Variants in MYO3A observed in about 807,000 individuals in gnomAD.
MYO3A encodes the protein myosin IIIA, also known as myosin-IIIa.
A neutral mutation model predicts 192.7 loss-of-function variants in MYO3A; 180 were observed. The observed-to-expected ratio is 0.93, with a 90% CI of 0.83 to 1.06. MYO3A has a LOEUF of 1.06. Ranked by LOEUF, MYO3A falls within the 50% of genes least tolerant of loss-of-function variation. The pLI, the probability that MYO3A is intolerant of heterozygous loss-of-function variation, is 0.00. For synonymous variants in MYO3A, 628 were observed against 645.3 expected, an observed-to-expected ratio of 0.97 and a Z score of 0.41; for missense variants, 1,896 against 1,905.0, an observed-to-expected ratio of 1.00 and a Z score of 0.09.
intron 2 of MYO3A, among the ~76,000 whole-genome samples, chr10:25,945,655 A>T (rs536319941): frequency 1.3e-5 from 2 of 152,178 alleles, no homozygotes; most frequent in African/African-American, 4.8e-5. Flanking sequence ...TCTTTTGTAG[A>T]TAGTATATAG....
At chr10:26,053,781 C>T (rs1038571782) in intron 10 of MYO3A, among the ~76,000 whole-genome samples, 6 of 151,676 alleles carry the variant, frequency 4.0e-5, no homozygotes, top group Non-Finnish European at 5.9e-5. Flanking sequence ...GCTGAGATCG[C>T]GCCATTGCAC....
intron 34 of MYO3A, among the ~76,000 whole-genome samples, chr10:26,205,685 C>G (rs1410333569): frequency 7.4e-6 from 1 of 135,354 alleles, no homozygotes; most frequent in Non-Finnish European, 1.5e-5. Context: ...GGCACGATCT[C>G]GGCTCACTGC....
At chr10:26,041,458 A>C (rs187427011) in intron 10 of MYO3A, among the ~76,000 whole-genome samples, 1 of 151,950 alleles carries the variant, frequency 6.6e-6, no homozygotes, top group Non-Finnish European at 1.5e-5. Context: ...TACTCCTGCC[A>C]TTTTGTTATT....
intron 26 of MYO3A, among the ~76,000 whole-genome samples, chr10:26,162,474 T>C (rs1217822828): frequency 6.6e-6 from 1 of 152,254 alleles, no homozygotes; most frequent in Non-Finnish European, 1.5e-5. Flanking sequence ...TCATTTATGA[T>C]TTCCAGTTAA....
rs183525778 is a variant in MYO3A at position 25,947,685 on chromosome 10, G to A, written c.-17-4409G>A. 4.2e-3 allele frequency among the ~76,000 whole-genome samples: 634 copies of A among 152,128 alleles called. 2 individuals are homozygous for A. The highest frequency in any genetic ancestry group is 0.024 in the Middle Eastern group (7 of 292). On this transcript the variant is annotated intron_variant, in intron 2 of 34. Transcript: ENST00000642920. ...TGGGATTACAGGCGTGAGCCACTGC[G>A]CCTGGCAAAGATGGTATTATTTCTT...
intron 17 of MYO3A, 27 bp from the exon 18 acceptor site, chr10:26,120,649 T>A: frequency 1.2e-6 from 2 of 1,613,706 alleles, no homozygotes; most frequent in Non-Finnish European, 1.7e-6. Context: ...GAAAGAATGA[T>A]GCCAATGTTT....
intron 26 of MYO3A, among the ~76,000 whole-genome samples, chr10:26,165,371 G>T (rs1329153485): frequency 6.6e-6 from 1 of 152,090 alleles, no homozygotes; most frequent in Admixed American, 6.6e-5. Flanking sequence ...AAAAATTCTG[G>T]AAATCTGTCT....
chr10:26,016,991 T>A, intron 7 of MYO3A, 95 bp downstream of exon 7: 1 of 1,288,956 alleles, frequency 7.8e-7, no homozygotes, highest in Non-Finnish European at 1.1e-6. Context: ...TTTTGGAATA[T>A]AACAGAAGAA....
At chr10:26,197,504 C>G (rs1036020622) in intron 32 of MYO3A, among the ~76,000 whole-genome samples, 1 of 152,176 alleles carries the variant, frequency 6.6e-6, no homozygotes, top group Admixed American at 6.5e-5. Context: ...CACCCAATCT[C>G]TCTTGTATGT....
chr10:25,970,610 A>G (rs1838577637), intron 4 of MYO3A, among the ~76,000 whole-genome samples: 1 of 151,970 alleles, frequency 6.6e-6, no homozygotes, highest in Admixed American at 6.6e-5. Flanking sequence ...TCACTTTAGT[A>G]AAAAATAAAC....
At chr10:26,092,123 A>G (rs1479986988) in intron 15 of MYO3A, among the ~76,000 whole-genome samples, 1 of 152,228 alleles carries the variant, frequency 6.6e-6, no homozygotes, top group Non-Finnish European at 1.5e-5. Flanking sequence ...CTGTGATTAA[A>G]AAGGAAAAAC....
chr10:26,045,419 G>A (rs1843587970), intron 10 of MYO3A, among the ~76,000 whole-genome samples: 1 of 136,872 alleles, frequency 7.3e-6, no homozygotes. Flanking sequence ...GATAGATAAT[G>A]TTCATTATGT....
At chr10:26,174,659 G>A (rs572990441) in intron 30 of MYO3A, 102 bp downstream of exon 30, 72 of 973,462 alleles carry the variant, frequency 7.4e-5, no homozygotes, top group South Asian at 4.7e-4. Context: ...TTTTATCTGC[G>A]TTGATGGGCC....
At chr10:26,187,908 T>C (rs1484540661) in intron 31 of MYO3A, among the ~76,000 whole-genome samples, 2 of 152,118 alleles carry the variant, frequency 1.3e-5, no homozygotes, top group Non-Finnish European at 2.9e-5. Flanking sequence ...ACATTTGGGT[T>C]GGTTCCAAGT....
At chr10:25,950,781 G>C (rs762601367) in intron 2 of MYO3A, among the ~76,000 whole-genome samples, 13 of 152,172 alleles carry the variant, frequency 8.5e-5, no homozygotes, top group Non-Finnish European at 1.8e-4. Context: ...CAGTGGATTG[G>C]TGATGTGAAT....
At chr10:26,115,382 T>C (rs1838439631) in intron 17 of MYO3A, among the ~76,000 whole-genome samples, 1 of 152,330 alleles carries the variant, frequency 6.6e-6, no homozygotes, top group Non-Finnish European at 1.5e-5. Flanking sequence ...CACCTGTTAG[T>C]TGTTTTTAAT....
intron 29 of MYO3A, among the ~76,000 whole-genome samples, chr10:26,172,059 A>G (rs1368038660): frequency 6.6e-6 from 1 of 152,202 alleles, no homozygotes; most frequent in African/African-American, 2.4e-5. Context: ...GCTAACTCTC[A>G]TGGGAGGTGG....
intron 2 of MYO3A, among the ~76,000 whole-genome samples, chr10:25,942,072 G>A (rs1836533331): frequency 6.7e-6 from 1 of 150,374 alleles, no homozygotes; most frequent in Middle Eastern, 3.4e-3. Context: ...CATGAGTTCA[G>A]ATCACTGCAA....
chr10:26,135,407 A>G (rs74799401), intron 20 of MYO3A, among the ~76,000 whole-genome samples: 2,664 of 152,124 alleles, frequency 0.018, 36 homozygotes, highest in Admixed American at 0.024. Flanking sequence ...GATTAGAAAG[A>G]AGGAAAGAAA....
Sources: allele counts gnomAD v4.1 joint callset (sites outside exome capture counted in the v4.1 genomes callset), GRCh38; gene constraint gnomAD v4.1.1; transcripts MANE v1.5; gene names NCBI Gene and HGNC (gene_info 2026-07-23, HGNC 2026-07-21).